Variants in DYNC2LI1 observed in about 807,000 individuals in gnomAD.
The protein encoded by DYNC2LI1 is dynein cytoplasmic 2 light intermediate chain 1, also known as cytoplasmic dynein 2 light intermediate chain 1.
Under a neutral mutation model 51.9 loss-of-function variants are expected in DYNC2LI1, and 45 were observed. That is an observed-to-expected ratio of 0.87 (90% CI 0.68 to 1.11). DYNC2LI1 has a LOEUF of 1.11. Among genes scored for constraint, DYNC2LI1 ranks in the 50% most tolerant of loss-of-function variants. The pLI is 0.00. For missense variants in DYNC2LI1, 490 were observed against 417.4 expected (o/e 1.17, Z -1.51); for synonymous variants, 130 against 137.8 (o/e 0.94, Z 0.40).
rs149954562 is a variant in DYNC2LI1 at position 43,809,676 on chromosome 2, T to C, written c.994-29T>C. On this transcript the variant is annotated intron_variant, in intron 12 of 12. Coordinates refer to ENST00000260605, the MANE Select transcript of DYNC2LI1 (RefSeq NM_016008.4). ...TCCTTGAATTAGTAAAGTTGATTTTTCTTAAAGTGATACATATTTTTGTTT... is the reference window on the plus strand; with the variant it reads ...TCCTTGAATTAGTAAAGTTGATTTTCCTTAAAGTGATACATATTTTTGTTT... 2.5e-4 allele frequency: 393 copies of C among 1,557,680 alleles called. No homozygotes were observed. The African/African-American group carries it at 5.0e-3, about 20-fold the overall frequency.
At chr2:43,796,666 C>T (rs537882334) in intron 7 of DYNC2LI1, 52 bp from the exon 8 acceptor site, 797 of 1,290,364 alleles carry the variant, frequency 6.2e-4, no homozygotes, top group Non-Finnish European at 7.2e-4. Flanking sequence ...TTGAATCTTC[C>T]TGCTATAGAT....
chr2:43,782,838 C>T (rs961544300), intron 2 of DYNC2LI1, among the ~76,000 whole-genome samples: 1 of 152,026 alleles, frequency 6.6e-6, no homozygotes, highest in Non-Finnish European at 1.5e-5. Flanking sequence ...AAAAATTACC[C>T]AGGCATGGTG....
At chr2:43,774,613 C>G (rs1348804318) in intron 1 of DYNC2LI1, among the ~76,000 whole-genome samples, 1 of 152,156 alleles carries the variant, frequency 6.6e-6, no homozygotes, top group Non-Finnish European at 1.5e-5. Flanking sequence ...CTGTTCAATT[C>G]TATGATATTC....
chr2:43,812,803 C>A, downstream of DYNC2LI1: 1 of 319,984 alleles, frequency 3.1e-6, no homozygotes, highest in South Asian at 4.2e-5. Flanking sequence ...TTTTTCTGTG[C>A]CTAGAACAAG....
chr2:43,819,917 G>C, the DYNC2LI1 span: 2 of 1,614,058 alleles, frequency 1.2e-6, no homozygotes, highest in Non-Finnish European at 1.7e-6. Context: ...TATCTTACCT[G>C]AGGAATCCAG....
chr2:43,794,806 A>G (rs1179371798), intron 6 of DYNC2LI1, 163 bp downstream of exon 6: 2 of 1,480,162 alleles, frequency 1.4e-6, no homozygotes, highest in Admixed American at 2.5e-5. Context: ...AAACCTCAGT[A>G]AGAGCAAAAC....
At chr2:43,827,233 G>A in the DYNC2LI1 span, among the ~76,000 whole-genome samples, 1 of 151,704 alleles carries the variant, frequency 6.6e-6, no homozygotes, top group African/African-American at 2.4e-5. Flanking sequence ...GCTGAGGCAG[G>A]AGAATCGCTT....
In DYNC2LI1 at chr2:43,782,011, A is replaced by ATGTGTGTGTGTGTGTGTG. The variant is rs72178749; in HGVS notation, c.127-1501_127-1484dup. 9.3e-3 allele frequency among the ~76,000 whole-genome samples: 1,387 copies of ATGTGTGTGTGTGTGTGTG among 148,720 alleles called. 12 individuals are homozygous for ATGTGTGTGTGTGTGTGTG. Among genetic ancestry groups the ATGTGTGTGTGTGTGTGTG allele is most frequent in the African/African-American group, 0.024 (955 of 40,528 alleles). ...TACATTTGTGTGTTTGTTTCTGTCT[A>ATGTGTGTGTGTGTGTGTG]TGTGTGTGTGTGTGTGTGTGTGTGT... On this transcript the variant is annotated intron_variant, in intron 2 of 12. Transcript: ENST00000260605.
the DYNC2LI1 span, among the ~76,000 whole-genome samples, chr2:43,817,351 G>A: frequency 6.6e-6 from 1 of 152,018 alleles, no homozygotes; most frequent in Non-Finnish European, 1.5e-5. Flanking sequence ...TGGGCGTGGT[G>A]GTGCGCACCT....
intron 2 of DYNC2LI1, 132 bp downstream of exon 2, chr2:43,777,031 A>ATTATTATT (rs1673059726): frequency 4.1e-6 from 2 of 484,048 alleles, no homozygotes; most frequent in Admixed American, 6.8e-5. Flanking sequence ...CATGAATTAA[A>ATTATTATT]AAGTGCTTAT....
intron 2 of DYNC2LI1, among the ~76,000 whole-genome samples, chr2:43,779,088 T>TC (rs932234109): frequency 9.9e-5 from 15 of 151,506 alleles, no homozygotes; most frequent in South Asian, 2.1e-4. Flanking sequence ...AAACCCAGTC[T>TC]CCCCCCAAAA....
At chr2:43,815,827 CGTTGAAAT>C in the DYNC2LI1 span, among the ~76,000 whole-genome samples, 2 of 146,462 alleles carry the variant, frequency 1.4e-5, no homozygotes, top group African/African-American at 5.1e-5. Flanking sequence ...AGACAGGTCA[CGTTGAAAT>C]CAGCATTCTG....
chr2:43,793,472 A>G (rs1673882717), intron 5 of DYNC2LI1: 1 of 152,294 alleles, frequency 6.6e-6, no homozygotes, highest in African/African-American at 2.4e-5. Flanking sequence ...TCCTCCTCCA[A>G]AAACAACAAC....
chr2:43,789,704 C>CA lies in DYNC2LI1; in HGVS notation c.304dup (p.Thr102AsnfsTer3). 1 of 1,613,762 alleles carries CA rather than the reference C, an allele frequency of 6.2e-7. No homozygotes were observed. The highest frequency in any genetic ancestry group is 1.1e-5 in the South Asian group (1 of 91,024). On this transcript the variant is annotated frameshift_variant, in exon 5 of 13. Coordinates refer to ENST00000260605, the MANE Select transcript of DYNC2LI1 (RefSeq NM_016008.4). LOFTEE classifies it high-confidence loss of function. ...TATTGGACTTAATCAGCATACCCATCACAGGTGACACCTTACGGTAAGTGA... is the reference window on the plus strand; with the variant it reads ...TATTGGACTTAATCAGCATACCCATCAACAGGTGACACCTTACGGTAAGTGA...
At chr2:43,797,192 G>A (rs778181141) in intron 8 of DYNC2LI1, among the ~76,000 whole-genome samples, 2 of 152,168 alleles carry the variant, frequency 1.3e-5, no homozygotes, top group Non-Finnish European at 2.9e-5. Flanking sequence ...GCTGTTTGTT[G>A]TAAAAGTTAA....
At chr2:43,826,843 G>A in the DYNC2LI1 span, among the ~76,000 whole-genome samples, 1 of 152,190 alleles carries the variant, frequency 6.6e-6, no homozygotes, top group African/African-American at 2.4e-5. Context: ...CTGGCATCAA[G>A]TTGTTTTAAA....
At position 43,789,590 on chromosome 2, in the gene DYNC2LI1, G is replaced by A. The variant is rs376082024; in HGVS notation, c.232-43G>A. 344 of 1,478,398 alleles carry A rather than the reference G, an allele frequency of 2.3e-4. 2 individuals carry two copies. In the African/African-American group the frequency reaches 4.2e-3, roughly 18 times the overall value. The allele number at this position is 1,478,398 out of a possible 1,614,324, so 91.6% of individuals were successfully genotyped here. On this transcript the variant is annotated intron_variant, in intron 4 of 12. Transcript: ENST00000260605. Reference sequence around the variant, plus strand: ...ACTGGGAAGTGCTAATGACATATAAGAAGTACTTAAACTTCAAAAAATCAA... The same window carrying A: ...ACTGGGAAGTGCTAATGACATATAAAAAGTACTTAAACTTCAAAAAATCAA...
rs181507172 is a variant in DYNC2LI1 at position 43,789,934 on chromosome 2, A to G, written c.320+213A>G. 2.8e-4 allele frequency among the ~76,000 whole-genome samples: 42 copies of G among 152,336 alleles called. No homozygotes were observed. In the East Asian group the frequency reaches 3.5e-3, roughly 13 times the overall value. On this transcript the variant is annotated intron_variant, in intron 5 of 12. Transcript: ENST00000260605. ...CCCGTGCTGAACTGAGATAGCTGAC[A>G]TTCCCCCCAGTAACATATTTTGCAA...
the DYNC2LI1 span, chr2:43,823,987 T>C: frequency 7.4e-6 from 12 of 1,614,072 alleles, no homozygotes; most frequent in African/African-American, 1.2e-4. Context: ...TACGCGGTCC[T>C]GGATAGCACC....
Sources: allele counts gnomAD v4.1 joint callset (sites outside exome capture counted in the v4.1 genomes callset), GRCh38; gene constraint gnomAD v4.1.1; transcripts MANE v1.5; gene names NCBI Gene and HGNC (gene_info 2026-07-23, HGNC 2026-07-21).